Variants in CDK6 observed in about 807,000 individuals in gnomAD.
The protein encoded by CDK6 is cyclin dependent kinase 6.
In CDK6, 6 loss-of-function variants were observed where a neutral mutation model predicts 37.1. The observed-to-expected ratio is 0.16, with a 90% CI of 0.09 to 0.32. CDK6 has a LOEUF of 0.32. Among genes scored for constraint, CDK6 ranks in the 10% least tolerant of loss-of-function variants. The pLI, the probability that CDK6 is intolerant of heterozygous loss-of-function variation, is 1.00. For missense variants in CDK6, 224 were observed against 418.9 expected (o/e 0.53, Z 4.06); for synonymous variants, 160 against 161.3 (o/e 0.99, Z 0.06).
chr7:92,717,203 C>A (rs187991641), intron 4 of CDK6, among the ~76,000 whole-genome samples: 3 of 151,692 alleles, frequency 2.0e-5, no homozygotes, highest in Non-Finnish European at 4.4e-5. Flanking sequence ...CGTAGCTGGG[C>A]GTGGTGGTGT....
chr7:92,749,809 G>A (rs1799147184), intron 3 of CDK6, among the ~76,000 whole-genome samples: 1 of 152,164 alleles, frequency 6.6e-6, no homozygotes, highest in South Asian at 2.1e-4. Flanking sequence ...ACCCTTATTT[G>A]ACAAATACGC....
intron 2 of CDK6, among the ~76,000 whole-genome samples, chr7:92,780,196 T>A (rs1034368310): frequency 6.6e-6 from 1 of 152,228 alleles, no homozygotes; most frequent in South Asian, 2.1e-4. Context: ...GGCCTCGAAC[T>A]CCTGACCTCA....
At chr7:92,622,268 A>C (rs1340227442) in intron 6 of CDK6, among the ~76,000 whole-genome samples, 2 of 152,230 alleles carry the variant, frequency 1.3e-5, no homozygotes, top group Admixed American at 6.5e-5. Flanking sequence ...GACATGAATG[A>C]AACTATGTAA....
rs138475486 is a variant in CDK6 at position 92,810,519 on chromosome 7, C to T, written c.233+22572G>A. Among the ~76,000 whole-genome samples the T allele has an allele frequency of 4.5e-3, 686 of 152,228 alleles. 5 individuals are homozygous for T. The highest frequency in any genetic ancestry group is 0.016 in the African/African-American group (646 of 41,518). ...CAGTCTCCCTCACTGCTGCTGTGAACGTAATTATATTAACAGCACTTAAGA... is the reference window on the plus strand; with the variant it reads ...CAGTCTCCCTCACTGCTGCTGTGAATGTAATTATATTAACAGCACTTAAGA... On this transcript the variant is annotated intron_variant, in intron 2 of 7. Coordinates refer to ENST00000424848, the MANE Select transcript of CDK6 (RefSeq NM_001145306.2).
At chr7:92,779,226 A>G (rs1584081213) in intron 2 of CDK6, among the ~76,000 whole-genome samples, 1 of 152,230 alleles carries the variant, frequency 6.6e-6, no homozygotes, top group East Asian at 1.9e-4. Flanking sequence ...AGACTCACTG[A>G]TGCCACCTGC....
intron 3 of CDK6, among the ~76,000 whole-genome samples, chr7:92,742,742 TACACAC>T (rs57808535): frequency 6.6e-6 from 1 of 150,464 alleles, no homozygotes; most frequent in Non-Finnish European, 1.5e-5. Context: ...CATATATATA[TACACAC>T]ACACACACAC....
intron 5 of CDK6, among the ~76,000 whole-genome samples, chr7:92,646,096 A>G (rs925803185): frequency 1.3e-5 from 2 of 152,186 alleles, no homozygotes; most frequent in Non-Finnish European, 1.5e-5. Flanking sequence ...TAAATATCCA[A>G]TCAAACATCT....
At position 92,638,704 on chromosome 7, in the gene CDK6, C is replaced by G. The variant is rs377041200; in HGVS notation, c.648-15618G>C. On this transcript the variant is annotated intron_variant, in intron 5 of 7. Coordinates refer to ENST00000424848, the MANE Select transcript of CDK6 (RefSeq NM_001145306.2). ...AATGCCTTGAAGGAACATCACTTAC[C>G]TACTAAATTATAATAAAAATGTCCT... 1.3e-3 allele frequency among the ~76,000 whole-genome samples: 195 copies of G among 152,308 alleles called. 1 individual carries two copies. Among genetic ancestry groups the G allele is most frequent in the African/African-American group, 4.6e-3 (190 of 41,560 alleles).
At chr7:92,828,905 T>C (rs572910758) in intron 2 of CDK6, among the ~76,000 whole-genome samples, 1 of 152,298 alleles carries the variant, frequency 6.6e-6, no homozygotes, top group Non-Finnish European at 1.5e-5. Flanking sequence ...TTCAAGGAAC[T>C]CTCAGAGACA....
intron 5 of CDK6, among the ~76,000 whole-genome samples, chr7:92,670,641 A>C (rs1486123471): frequency 6.6e-6 from 1 of 152,196 alleles, no homozygotes; most frequent in Non-Finnish European, 1.5e-5. Flanking sequence ...TTGTGACCTG[A>C]AAATCAAACA....
rs148948166 is a variant in CDK6 at position 92,834,526 on chromosome 7, G to A, written c.-367-836C>T. Among the ~76,000 whole-genome samples, 234 of 152,052 alleles carry A rather than the reference G, an allele frequency of 1.5e-3. No individual in the cohort carries two copies. Among genetic ancestry groups the A allele is most frequent in the African/African-American group, 4.1e-3 (169 of 41,470 alleles). ...GGAGGGGAGACACCGTCCCCCACGG[G>A]ATCCCAAGGGTGGGAGAAAGGGGTG... is the stretch of plus-strand genomic sequence containing the variant. On this transcript the variant is annotated intron_variant, in intron 1 of 7. Coordinates refer to ENST00000424848, the MANE Select transcript of CDK6 (RefSeq NM_001145306.2). The surrounding 1 kb of genome is among the most constrained non-coding windows in gnomAD (Gnocchi z 4.6).
rs1795471793 is a variant in CDK6 at position 92,608,143 on chromosome 7, GT to G, written c.*6996del. 1.3e-5 allele frequency: 3 copies of G among 232,738 alleles called. No individual in the cohort carries two copies. In the East Asian group the frequency reaches 1.8e-4, roughly 14 times the overall value. 14.4% of individuals were successfully genotyped at this position (232,738 alleles called of 1,614,324 possible). A position where few individuals can be genotyped will look rare whatever the true frequency, so the allele number is the denominator to read the frequency against. On this transcript the variant is annotated 3_prime_UTR_variant, in exon 8 of 8. Transcript: ENST00000424848. ...AGAGAGTTAGAAATTAAATAATTGT[GT>G]GGCTCTATGTGTGCTGATTAGTGCT...
At chr7:92,692,208 G>T (rs994670668) in intron 4 of CDK6, among the ~76,000 whole-genome samples, 21 of 152,040 alleles carry the variant, frequency 1.4e-4, no homozygotes, top group African/African-American at 4.8e-4. Context: ...AGAGGTTGTG[G>T]TGAGTCGAGA....
intron 2 of CDK6, among the ~76,000 whole-genome samples, chr7:92,795,188 C>G (rs1446962229): frequency 6.6e-6 from 1 of 152,030 alleles, no homozygotes; most frequent in Non-Finnish European, 1.5e-5. Flanking sequence ...TCCTCAGTAA[C>G]TGTCTTGACA....
At chr7:92,664,299 C>T (rs1170860392) in intron 5 of CDK6, among the ~76,000 whole-genome samples, 1 of 152,158 alleles carries the variant, frequency 6.6e-6, no homozygotes. Context: ...TCGACCTAAC[C>T]TGAAATGATG....
At chr7:92,687,375 C>G (rs1797482873) in intron 4 of CDK6, among the ~76,000 whole-genome samples, 1 of 152,166 alleles carries the variant, frequency 6.6e-6, no homozygotes, top group African/African-American at 2.4e-5. Flanking sequence ...CATTCAATGA[C>G]TATTTGTTAA....
rs540467806 is a variant in CDK6 at position 92,800,011 on chromosome 7, T to C, written c.234-25180A>G. Among the ~76,000 whole-genome samples, 6 of 152,324 alleles carry C rather than the reference T, an allele frequency of 3.9e-5. No homozygotes were observed. The East Asian group carries it at 1.2e-3, about 29-fold the overall frequency. On this transcript the variant is annotated intron_variant, in intron 2 of 7. Transcript: ENST00000424848. ...CCATCACTATCCTCTCACTCAAGCA[T>C]AAAACCATAATTCATCTTGTTGACC...
In CDK6 at chr7:92,833,219, G is replaced by A. The variant is rs1248846198; in HGVS notation, c.105C>T (p.Asn35=). The change falls in exon 2 of 8, where the codon AAC becomes AAT. Residue 35 remains asparagine, a synonymous_variant. Coordinates refer to ENST00000424848, the MANE Select transcript of CDK6 (RefSeq NM_001145306.2). This position sits in a 1 kb window ranked among gnomAD's most constrained non-coding sequence, Gnocchi z 6.1. ...GCTTCAACGCCACGAAACGGCCTCC[G>A]TTCTTCAAGTCGCGGGCCTTGAACA... The part of the protein sequence containing the change: ...GKVFKARDLK[N]GGRFVALKRV... 1.2e-6 allele frequency: 2 copies of A among 1,610,476 alleles called. No individual in the cohort carries two copies. The highest frequency in any genetic ancestry group is 2.2e-5 in the South Asian group (2 of 90,296).
chr7:92,805,911 T>C (rs949216140), intron 2 of CDK6, among the ~76,000 whole-genome samples: 1 of 152,216 alleles, frequency 6.6e-6, no homozygotes, highest in African/African-American at 2.4e-5. Flanking sequence ...TAAAAATGTA[T>C]CTTCTTGTAG....
Sources: gnomAD v4.1 joint callset for allele counts (sites outside exome capture counted in the v4.1 genomes callset) on GRCh38, gnomAD v4.1.1 for gene constraint, Gnocchi (gnomAD v3.1) non-coding constraint, MANE v1.5 for transcripts, NCBI Gene and HGNC (gene_info 2026-07-23, HGNC 2026-07-21) for gene names.